DHRSX: variants seen among roughly 807,000 people sequenced by gnomAD.
DHRSX encodes dehydrogenase/reductase X-linked.
In DHRSX, 31 loss-of-function variants were observed where a neutral mutation model predicts 34.0. The observed-to-expected ratio is 0.91, with a 90% CI of 0.69 to 1.23. The LOEUF (loss-of-function observed/expected upper bound fraction) is 1.23, where lower values mean the gene tolerates loss of function less well. Among genes scored for constraint, DHRSX ranks in the 50% most tolerant of loss-of-function variants. DHRSX has a pLI of 0.00. For synonymous variants in DHRSX, 201 were observed against 183.8 expected (o/e 1.09, Z -0.76); for missense variants, 414 against 428.1 (o/e 0.97, Z 0.29).
chrX:2,489,210 G>A (rs1477910081), intron 1 of DHRSX: 4 of 1,613,770 alleles, frequency 2.5e-6, no homozygotes, highest in East Asian at 4.5e-5. Context: ...TTGTCCAGCA[G>A]GCCCTTGGCC....
chrX:2,450,730 T>TA (rs984601296), intron 1 of DHRSX, among the ~76,000 whole-genome samples: 4,081 of 138,160 alleles, frequency 0.03, 169 homozygotes, highest in African/African-American at 0.094. Context: ...TTTATCAAAT[T>TA]AAAAAAAAAA....
chrX:2,443,773 G>A (rs1018735037), intron 1 of DHRSX, among the ~76,000 whole-genome samples: 41 of 152,196 alleles, frequency 2.7e-4, no homozygotes, highest in Non-Finnish European at 1.8e-4. Flanking sequence ...TTGGGAGGCC[G>A]AGGCGGGCAG....
At chrX:2,382,758 AT>A (rs1414817769) in intron 3 of DHRSX, among the ~76,000 whole-genome samples, 81 of 129,058 alleles carry the variant, frequency 6.3e-4, no homozygotes, top group East Asian at 2.1e-3. Flanking sequence ...CATCACTATC[AT>A]CATCATCATC....
At chrX:2,375,719 G>A (rs1292174256) in intron 3 of DHRSX, among the ~76,000 whole-genome samples, 2 of 136,234 alleles carry the variant, frequency 1.5e-5, no homozygotes, top group African/African-American at 2.5e-5. Context: ...TGCAACGTCC[G>A]CCTCCTAGGT....
rs1307829942 is a variant in DHRSX, at chrX:2,291,499, C to T, written c.388+3G>A. On this transcript the variant is annotated splice_donor_region_variant and intron_variant, in intron 4 of 6. Transcript: ENST00000334651. ...GGCTTGCTGCAATTTCACCAGGACT[C>T]ACCATTGTTGATCAGGACATGGAGA... 2 of 1,612,272 alleles carry T rather than the reference C, an allele frequency of 1.2e-6. No homozygotes were observed. The highest frequency in any genetic ancestry group is 1.7e-6 in the Non-Finnish European group (2 of 1,178,448).
chrX:2,297,264 A>G (rs1364837864), intron 3 of DHRSX, among the ~76,000 whole-genome samples: 1 of 152,200 alleles, frequency 6.6e-6, no homozygotes, highest in African/African-American at 2.4e-5. Flanking sequence ...CTGGGACCAC[A>G]GGTGCGCAGC....
At chrX:2,249,337 C>A (rs762168243) in intron 5 of DHRSX, among the ~76,000 whole-genome samples, 12 of 150,602 alleles carry the variant, frequency 8.0e-5, no homozygotes, top group African/African-American at 2.2e-4. Flanking sequence ...GGACTACAGG[C>A]ACCTGCCACC....
chrX:2,479,911 CGGACGCCAT>C (rs1163426490), intron 1 of DHRSX, among the ~76,000 whole-genome samples: 1 of 152,208 alleles, frequency 6.6e-6, no homozygotes, highest in Non-Finnish European at 1.5e-5. Context: ...GGCCAAGGGA[CGGACGCCAT>C]GGACACTGGG....
At chrX:2,284,024 A>G (rs2041771051) in intron 4 of DHRSX, among the ~76,000 whole-genome samples, 1 of 151,620 alleles carries the variant, frequency 6.6e-6, no homozygotes, top group Non-Finnish European at 1.5e-5. Flanking sequence ...CTCTGAATTT[A>G]TTCATTCCTT....
chrX:2,344,712 C>T (rs1179746350), intron 3 of DHRSX, among the ~76,000 whole-genome samples: 2 of 151,472 alleles, frequency 1.3e-5, no homozygotes, highest in Non-Finnish European at 2.9e-5. Flanking sequence ...CAGGGTCTGT[C>T]AGGGGGTCAG....
At chrX:2,295,866 G>A (rs909332720) in intron 3 of DHRSX, among the ~76,000 whole-genome samples, 21 of 152,156 alleles carry the variant, frequency 1.4e-4, no homozygotes, top group Middle Eastern at 3.2e-3. Flanking sequence ...AAGCTGGGGC[G>A]CATACGCACA....
intron 1 of DHRSX, among the ~76,000 whole-genome samples, chrX:2,458,399 A>G (rs189283201): frequency 1.4e-3 from 219 of 152,280 alleles, no homozygotes; most frequent in South Asian, 2.7e-3. Flanking sequence ...GCACTGCAGC[A>G]CTACTAATAG....
intron 1 of DHRSX, among the ~76,000 whole-genome samples, chrX:2,481,021 A>G (rs2044760832): frequency 6.6e-6 from 1 of 152,138 alleles, no homozygotes; most frequent in Admixed American, 6.6e-5. Flanking sequence ...TGAATATGTT[A>G]ATTAGCTTGT....
At chrX:2,238,038 C>T in intron 6 of DHRSX, among the ~76,000 whole-genome samples, 1 of 152,164 alleles carries the variant, frequency 6.6e-6, no homozygotes, top group Non-Finnish European at 1.5e-5. Flanking sequence ...TGAAGAATGG[C>T]CTGATGCATT....
At chrX:2,485,836 G>GGAAGGAAGGGAGA (rs2044904470) in intron 1 of DHRSX, among the ~76,000 whole-genome samples, 1 of 87,516 alleles carries the variant, frequency 1.1e-5, no homozygotes. Flanking sequence ...AGGGAGAGAA[G>GGAAGGAAGGGAGA]GAAGGAAGGG....
intron 1 of DHRSX, among the ~76,000 whole-genome samples, chrX:2,476,398 CA>C (rs34249061): frequency 2.4e-3 from 251 of 102,774 alleles, no homozygotes; most frequent in South Asian, 4.3e-3. Flanking sequence ...AACTCCATCT[CA>C]AAAAAAAAAA....
intron 3 of DHRSX, chrX:2,337,952 A>G (rs1486014221): frequency 6.6e-6 from 1 of 151,508 alleles, no homozygotes; most frequent in Non-Finnish European, 1.5e-5. Flanking sequence ...TCCTTCATGA[A>G]CATAACAAGT....
At chrX:2,244,323 A>T (rs2016228680) in intron 5 of DHRSX, among the ~76,000 whole-genome samples, 1 of 112,642 alleles carries the variant, frequency 8.9e-6, no homozygotes, top group Admixed American at 8.8e-5. Flanking sequence ...CTCTCTGGTA[A>T]CCTCAATCAC....
chrX:2,399,746 A>C (rs2043463588), intron 3 of DHRSX, among the ~76,000 whole-genome samples: 1 of 150,270 alleles, frequency 6.7e-6, no homozygotes, highest in African/African-American at 2.5e-5. Context: ...AAAAAAACAA[A>C]AAAACACAGG....
Sources: allele counts gnomAD v4.1 joint callset (sites outside exome capture counted in the v4.1 genomes callset), GRCh38; gene constraint gnomAD v4.1.1; transcripts MANE v1.5; gene names NCBI Gene and HGNC (gene_info 2026-07-23, HGNC 2026-07-21).